Variants in ARHGEF33 observed in about 807,000 individuals in gnomAD.
The protein encoded by ARHGEF33 is DH and coiled-coil domain-containing protein ENSP00000381780.
Under a neutral mutation model 101.9 loss-of-function variants are expected in ARHGEF33, and 72 were observed. The observed-to-expected ratio is 0.71, with a 90% CI of 0.58 to 0.86. The LOEUF (loss-of-function observed/expected upper bound fraction) is 0.86. Ranked by LOEUF, ARHGEF33 falls within the 40% of genes least tolerant of loss-of-function variation. ARHGEF33 has a pLI of 0.00. For synonymous variants in ARHGEF33, 499 were observed against 442.5 expected (o/e 1.13, Z -1.60); for missense variants, 1,169 against 1,111.3 (o/e 1.05, Z -0.74).
intron 9 of ARHGEF33, among the ~76,000 whole-genome samples, chr2:38,942,651 A>G (rs1572763542): frequency 6.6e-6 from 1 of 152,118 alleles, no homozygotes; most frequent in Non-Finnish European, 1.5e-5. Context: ...CTTTGAGAAT[A>G]TGAATTGTAA....
At chr2:38,909,174 GCCACCTTGTTTCTAGCAGCAC>G (rs1267531429) in intron 2 of ARHGEF33, among the ~76,000 whole-genome samples, 4 of 152,186 alleles carry the variant, frequency 2.6e-5, no homozygotes, top group Non-Finnish European at 4.4e-5. Context: ...AGTGGCAGGA[GCCACCTTGTTTCTAGCAGCAC>G]CCATATTTGA....
intron 17 of ARHGEF33, chr2:38,971,731 T>C: frequency 1.5e-6 from 1 of 685,968 alleles, no homozygotes; most frequent in Non-Finnish European, 2.7e-6. Flanking sequence ...GTTAGTTTAA[T>C]TAATATCAAG....
chr2:38,906,851 A>C (rs1234827408), intron 2 of ARHGEF33, among the ~76,000 whole-genome samples: 1 of 150,502 alleles, frequency 6.6e-6, no homozygotes, highest in East Asian at 2.0e-4. Context: ...GCAGCTACTC[A>C]GGCAGCTGAG....
intron 16 of ARHGEF33, among the ~76,000 whole-genome samples, chr2:38,965,094 A>G (rs890489241): frequency 2.0e-5 from 3 of 151,968 alleles, no homozygotes; most frequent in Non-Finnish European, 2.9e-5. Flanking sequence ...TCTGTCAGCA[A>G]GCAGTCACCT....
chr2:38,928,843 G>C (rs931316043), intron 4 of ARHGEF33, 64 bp from the exon 5 acceptor site: 7 of 1,406,676 alleles, frequency 5.0e-6, no homozygotes, highest in Non-Finnish European at 6.6e-6. Flanking sequence ...AAAAATTCAA[G>C]GTCCAATGGT....
intron 4 of ARHGEF33, among the ~76,000 whole-genome samples, chr2:38,927,977 G>C (rs1485196711): frequency 2.0e-5 from 3 of 152,162 alleles, no homozygotes; most frequent in Non-Finnish European, 4.4e-5. Flanking sequence ...ACCACCTAAA[G>C]GGGGAGAAGA....
intron 10 of ARHGEF33, among the ~76,000 whole-genome samples, chr2:38,950,213 T>G (rs1373370741): frequency 2.0e-5 from 3 of 152,168 alleles, no homozygotes; most frequent in African/African-American, 4.8e-5. Flanking sequence ...GTTGCCAACT[T>G]TAAACAAATT....
rs1417960161 is a variant in ARHGEF33 at position 38,958,223 on chromosome 2, G to A, written c.1535+25G>A. On this transcript the variant is annotated intron_variant, in intron 15 of 17. Coordinates refer to ENST00000409978, the MANE Select transcript of ARHGEF33 (RefSeq NM_001145451.5). ...CGTAAGCACCTGTTGCTGTGGGAAG[G>A]TTAATGCCAATGCCTTTGGGACCCA... is the stretch of plus-strand genomic sequence containing the variant. 6 of 1,550,574 alleles carry A rather than the reference G, an allele frequency of 3.9e-6. No homozygotes were observed. The East Asian group carries it at 1.5e-4, about 38-fold the overall frequency.
intron 1 of ARHGEF33, among the ~76,000 whole-genome samples, chr2:38,893,407 G>T (rs1666050257): frequency 6.6e-6 from 1 of 152,058 alleles, no homozygotes; most frequent in Non-Finnish European, 1.5e-5. Context: ...CGATTTACCT[G>T]CCTCAGCCTC....
intron 1 of ARHGEF33, among the ~76,000 whole-genome samples, chr2:38,895,008 C>T (rs572314182): frequency 6.6e-6 from 1 of 152,118 alleles, no homozygotes; most frequent in African/African-American, 2.4e-5. Flanking sequence ...TGGGAATAAA[C>T]AGATTCACCC....
intron 4 of ARHGEF33, among the ~76,000 whole-genome samples, chr2:38,925,657 G>T (rs998849139): frequency 3.3e-5 from 5 of 152,202 alleles, no homozygotes; most frequent in Non-Finnish European, 7.3e-5. Context: ...AACTCGTGTT[G>T]CTTCTTCAGT....
chr2:38,937,335 G>A lies in ARHGEF33; in HGVS notation c.566G>A (p.Gly189Glu). The stretch of plus-strand genomic sequence containing the variant: ...CCCGCCCCTCCCCCCACCCCACCAG[G>A]AGTGAACCCAACAACTCCAGAAGCA... Reference protein sequence around the residue: ...DSNVKGMMGPGVNPTTPEAEE... With the variant: ...DSNVKGMMGPEVNPTTPEAEE... Residue 189 changes from glycine (G) to glutamate (E), a missense_variant and splice_region_variant, in exon 9 of 18, where the codon GGA becomes GAA. By Grantham distance (98) the Gly-to-Glu change is moderately conservative (BLOSUM62 -2). Transcript: ENST00000409978. 7.7e-7 allele frequency: 1 copy of A among 1,305,284 alleles called. No homozygotes were observed. Among genetic ancestry groups the A allele is most frequent in the Non-Finnish European group, 1.1e-6 (1 of 951,164 alleles). 80.9% of individuals were successfully genotyped at this position (1,305,284 alleles called of 1,614,324 possible).
chr2:38,919,309 C>T (rs536389416), intron 2 of ARHGEF33, 54 bp from the exon 3 acceptor site: 4 of 810,794 alleles, frequency 4.9e-6, no homozygotes, highest in African/African-American at 3.5e-5. Context: ...GAAGTAAATA[C>T]AGTTTCTTTG....
chr2:38,936,473 G>A (rs1019141877), intron 8 of ARHGEF33, among the ~76,000 whole-genome samples: 1 of 152,000 alleles, frequency 6.6e-6, no homozygotes, highest in East Asian at 1.9e-4. Flanking sequence ...GCAGATATAA[G>A]GAGTCAATAC....
At chr2:38,909,423 G>A (rs1021074717) in intron 2 of ARHGEF33, among the ~76,000 whole-genome samples, 1 of 151,808 alleles carries the variant, frequency 6.6e-6, no homozygotes, top group Non-Finnish European at 1.5e-5. Context: ...CTGGGCTCAG[G>A]TGATTCTCCC....
chr2:38,951,128 T>C lies in ARHGEF33; in HGVS notation c.1053+7T>C. 6.4e-7 allele frequency: 1 copy of C among 1,551,260 alleles called. No individual in the cohort carries two copies. Among genetic ancestry groups the C allele is most frequent in the African/African-American group, 1.4e-5 (1 of 73,152 alleles). On this transcript the variant is annotated splice_region_variant and intron_variant, in intron 11 of 17. Transcript: ENST00000409978. ...TAAGTTAACAAATGACGAGGTAAGG[T>C]TTTTTCTGCCCCTCTATACATTTTA...
intron 2 of ARHGEF33, among the ~76,000 whole-genome samples, chr2:38,907,388 G>A (rs1558424390): frequency 6.6e-6 from 1 of 152,150 alleles, no homozygotes; most frequent in South Asian, 2.1e-4. Flanking sequence ...TGTTCTGAGA[G>A]CACCAAAGGC....
Position 38,955,663 on chromosome 2 carries a change from CTTATTTAT to C in ARHGEF33, c.1222-1221_1222-1214del, listed in dbSNP as rs1216650116. Reference sequence around the variant, plus strand: ...TACAGGCACTTGCCACCATGCCTGGCTTATTTATTTATTTATTTATTTTTATTTTTTGA... The same window carrying C: ...TACAGGCACTTGCCACCATGCCTGGCTTATTTATTTATTTTTATTTTTTGA... On this transcript the variant is annotated intron_variant, in intron 13 of 17. Transcript: ENST00000409978. 3.1e-3 allele frequency among the ~76,000 whole-genome samples: 473 copies of C among 150,762 alleles called. 2 individuals carry two copies. The highest frequency in any genetic ancestry group is 0.011 in the African/African-American group (445 of 41,110).
chr2:38,911,500 A>G (rs8179664), intron 2 of ARHGEF33, among the ~76,000 whole-genome samples: 108,627 of 152,158 alleles, frequency 0.71, 38,951 homozygotes, highest in East Asian at 0.89. Context: ...ATGTGTGTAT[A>G]TGGGGAGGAG....
Sources: allele counts gnomAD v4.1 joint callset (sites outside exome capture counted in the v4.1 genomes callset), GRCh38; gene constraint gnomAD v4.1.1; transcripts MANE v1.5; gene names NCBI Gene and HGNC (gene_info 2026-07-23, HGNC 2026-07-21).